Variants in UGT2A3 observed in about 807,000 individuals in gnomAD.
The protein encoded by UGT2A3 is UDP-glucuronosyltransferase 2A3.
UGT2A3 carries 55 observed loss-of-function variants against 44.1 expected under a neutral mutation model. The ratio of observed to expected loss-of-function variants is 1.25; its 90% CI spans 1.00 to 1.56. UGT2A3 has a LOEUF of 1.56. Among genes scored for constraint, UGT2A3 ranks in the 40% most tolerant of loss-of-function variants. UGT2A3 has a pLI of 0.00. For missense variants in UGT2A3, 733 were observed against 621.6 expected (o/e 1.18, Z -1.91); for synonymous variants, 243 against 215.1 (o/e 1.13, Z -1.13).
At chr4:68,944,720 G>A (rs192608737) in intron 2 of UGT2A3, among the ~76,000 whole-genome samples, 48 of 151,728 alleles carry the variant, frequency 3.2e-4, no homozygotes, top group African/African-American at 1.1e-3. Context: ...ACATTCTCAC[G>A]AGCTCAAAGT....
intron 2 of UGT2A3, among the ~76,000 whole-genome samples, chr4:68,944,497 T>C (rs1718309949): frequency 2.6e-5 from 4 of 151,840 alleles, no homozygotes; most frequent in Admixed American, 2.6e-4. Flanking sequence ...TTCTCAATAT[T>C]GTTTCTTTCA....
intron 2 of UGT2A3, among the ~76,000 whole-genome samples, chr4:68,944,311 G>A (rs1383356672): frequency 6.6e-6 from 1 of 151,696 alleles, no homozygotes; most frequent in Non-Finnish European, 1.5e-5. Flanking sequence ...TTAGGCATTA[G>A]GCTGTTCATC....
At chr4:68,935,698 G>A (rs935119740) in intron 2 of UGT2A3, among the ~76,000 whole-genome samples, 1 of 152,002 alleles carries the variant, frequency 6.6e-6, no homozygotes. Flanking sequence ...ATCAAAGCTG[G>A]ATGGAGAATG....
Position 68,930,165 on chromosome 4 carries a change from G to A in UGT2A3, c.1305-73C>T, listed in dbSNP as rs1030898751. ...TTCATAAAAGACAGGTAGATAAACCGTAGTATATGTTATGCAAGCCAAGAA... is the reference window on the plus strand; with the variant it reads ...TTCATAAAAGACAGGTAGATAAACCATAGTATATGTTATGCAAGCCAAGAA... On this transcript the variant is annotated intron_variant, in intron 5 of 5. Transcript: ENST00000251566. 1.4e-5 allele frequency: 20 copies of A among 1,452,880 alleles called. No individual in the cohort carries two copies. In the Admixed American group the frequency reaches 1.5e-4, roughly 11 times the overall value. The allele number at this position is 1,452,880 out of a possible 1,614,324, so 90.0% of individuals were successfully genotyped here.
chr4:68,942,319 ATCTCTC>A (rs3071533), intron 2 of UGT2A3, among the ~76,000 whole-genome samples: 9 of 146,024 alleles, frequency 6.2e-5, no homozygotes, highest in Admixed American at 3.5e-4. Flanking sequence ...ATTTGAAAAT[ATCTCTC>A]TCTCTCTCTC....
At chr4:68,942,586 A>G (rs945047554) in intron 2 of UGT2A3, among the ~76,000 whole-genome samples, 1 of 147,076 alleles carries the variant, frequency 6.8e-6, no homozygotes, top group Non-Finnish European at 1.5e-5. Context: ...TATATATTGG[A>G]AAAAAAAGAA....
At position 68,930,624 on chromosome 4, in the gene UGT2A3, G is replaced by C. The variant is rs769072662; in HGVS notation, c.1226C>G (p.Ala409Gly). 1 of 1,613,424 alleles carries C rather than the reference G, an allele frequency of 6.2e-7. No individual in the cohort carries two copies. Among genetic ancestry groups the C allele is most frequent in the Non-Finnish European group, 8.5e-7 (1 of 1,179,692 alleles). Residue 409 changes from alanine (A) to glycine (G), a missense_variant, in exon 5 of 6, where the codon GCA (alanine) becomes GGA (glycine). Coordinates refer to ENST00000251566, the MANE Select transcript of UGT2A3 (RefSeq NM_024743.4). ...DNIAHMKAKG[A>G]AVEINFKTMT... ...AGTTTTGAAGTTTATTTCTACAGCT[G>C]CTCCTTTGGCCTTCATGTGAGCTAT...
chr4:68,936,708 A>G (rs2109783084), intron 2 of UGT2A3, among the ~76,000 whole-genome samples: 1 of 152,090 alleles, frequency 6.6e-6, no homozygotes, highest in Non-Finnish European at 1.5e-5. Flanking sequence ...TTCACACATA[A>G]CAATATTAAC....
At chr4:68,944,023 G>T (rs1367607961) in intron 2 of UGT2A3, among the ~76,000 whole-genome samples, 3 of 151,782 alleles carry the variant, frequency 2.0e-5, no homozygotes, top group African/African-American at 7.2e-5. Flanking sequence ...TTTTCCCAGA[G>T]AATTTTCTTC....
intron 1 of UGT2A3, among the ~76,000 whole-genome samples, chr4:68,947,190 C>T (rs1460009956): frequency 6.6e-6 from 1 of 151,744 alleles, no homozygotes; most frequent in Admixed American, 6.6e-5. Flanking sequence ...AGTCCATTCT[C>T]TCAAACCTTG....
chr4:68,942,065 G>A (rs533479656), intron 2 of UGT2A3, among the ~76,000 whole-genome samples: 1 of 151,594 alleles, frequency 6.6e-6, no homozygotes, highest in Non-Finnish European at 1.5e-5. Flanking sequence ...AAGGAAAACG[G>A]TATGGTAGTT....
rs1718601493 is a variant in UGT2A3, at chr4:68,951,693, C to T, written c.68G>A (p.Cys23Tyr). The T allele has an allele frequency of 2.5e-6, 4 of 1,611,270 alleles. No homozygotes were observed. The highest frequency in any genetic ancestry group is 4.5e-5 in the East Asian group (2 of 44,710). The change falls in exon 1 of 6, where the codon TGT (cysteine) becomes TAT (tyrosine). Residue 23 changes from cysteine (C) to tyrosine (Y), a missense_variant. Physicochemically the swap from Cys to Tyr is radical, Grantham distance 194. Coordinates refer to ENST00000251566, the MANE Select transcript of UGT2A3 (RefSeq NM_024743.4). ...LQLFCVGCGF[C>Y]GKVLVWPCDM... ...ACAGGGCCACACCAGGACTTTCCCA[C>T]AGAATCCACAGCCAACACAGAAGAG... is the stretch of plus-strand genomic sequence containing the variant.
chr4:68,928,833 T>G lies in UGT2A3; in HGVS notation c.*980A>C, dbSNP rs1212200890. ...CCTTAAATTTTTACTATGTAAGCAA[T>G]TATTTGATGAATTTACAATTCTCAA... On this transcript the variant is annotated 3_prime_UTR_variant, in exon 6 of 6. Coordinates refer to ENST00000251566, the MANE Select transcript of UGT2A3 (RefSeq NM_024743.4). 6.6e-6 allele frequency: 1 copy of G among 152,002 alleles called. No homozygotes were observed. The highest frequency in any genetic ancestry group is 2.4e-5 in the African/African-American group (1 of 41,440). 9.4% of individuals were successfully genotyped at this position (152,002 alleles called of 1,614,324 possible).
chr4:68,949,029 C>T (rs2109797599), intron 1 of UGT2A3, among the ~76,000 whole-genome samples: 1 of 151,758 alleles, frequency 6.6e-6, no homozygotes, highest in East Asian at 2.0e-4. Context: ...GTTCCTGGCT[C>T]TTTTTAATAA....
rs60082800 is a variant in UGT2A3 at position 68,948,439 on chromosome 4, C to CTTT, written c.715+2604_715+2606dup. Among the ~76,000 whole-genome samples the CTTT allele has an allele frequency of 1.1e-4, 12 of 110,144 alleles. 1 individual carries two copies. Among genetic ancestry groups the CTTT allele is most frequent in the South Asian group, 5.6e-4 (2 of 3,574 alleles). 72.3% of individuals were successfully genotyped at this position (110,144 alleles called of 152,430 possible). ...TAATTTTTTTTCTTTTCTTTTTTTT[C>CTTT]TTTTTTTTTTTTTTTTTTTTGGTAG... On this transcript the variant is annotated intron_variant, in intron 1 of 5. Transcript: ENST00000251566.
chr4:68,930,243 T>C (rs1464729570), intron 5 of UGT2A3, 151 bp from the exon 6 acceptor site: 2 of 971,650 alleles, frequency 2.1e-6, no homozygotes, highest in Non-Finnish European at 3.0e-6. Context: ...GTTGGTTACA[T>C]AGTATTAAAC....
intron 2 of UGT2A3, among the ~76,000 whole-genome samples, chr4:68,942,538 T>TATATATATATATATATAC (rs1442602288): frequency 2.0e-4 from 28 of 143,010 alleles, no homozygotes; most frequent in African/African-American, 6.7e-4. Flanking sequence ...TATATATATA[T>TATATATATATATATATAC]ACATTTTCCA....
chr4:68,946,424 A>G (rs914056866), intron 1 of UGT2A3, among the ~76,000 whole-genome samples: 1 of 151,590 alleles, frequency 6.6e-6, no homozygotes, highest in African/African-American at 2.4e-5. Flanking sequence ...TAGTGAATAA[A>G]TTTTACTGAA....
At position 68,951,081 on chromosome 4, in the gene UGT2A3, T is replaced by G. The variant is rs750410689; in HGVS notation, c.680A>C (p.Tyr227Ser). Residue 227 changes from tyrosine to serine, a missense_variant, in exon 1 of 6, where the codon TAT becomes TCT. Tyr to Ser is a moderately radical substitution (Grantham distance 144, BLOSUM62 -2). Coordinates refer to ENST00000251566, the MANE Select transcript of UGT2A3 (RefSeq NM_024743.4). ...ACTATAAAACTCTTCCCAAAAATGA[T>G]AGTCGTAATCCTGAATCCAGAAGTG... is the stretch of plus-strand genomic sequence containing the variant. ...LFHFWIQDYD[Y>S]HFWEEFYSKA... 5 of 1,596,298 alleles carry G rather than the reference T, an allele frequency of 3.1e-6. No homozygotes were observed. The highest frequency in any genetic ancestry group is 3.4e-6 in the Non-Finnish European group (4 of 1,173,930).
Sources: gnomAD v4.1 joint callset for allele counts (sites outside exome capture counted in the v4.1 genomes callset) on GRCh38, gnomAD v4.1.1 for gene constraint, MANE v1.5 for transcripts, NCBI Gene and HGNC (gene_info 2026-07-23, HGNC 2026-07-21) for gene names.